The following DPP6 variants were observed in gnomAD, a reference collection of about 807,000 sequenced individuals.
The protein encoded by DPP6 is dipeptidyl peptidase like 6.
In DPP6, 69 loss-of-function variants were observed where a neutral mutation model predicts 122.6. The observed-to-expected ratio is 0.56, with a 90% CI of 0.46 to 0.69. DPP6 has a LOEUF of 0.69. Ranked by LOEUF, DPP6 falls within the 30% of genes least tolerant of loss-of-function variation. The pLI is 0.00. For missense variants in DPP6, 928 were observed against 1,116.9 expected (o/e 0.83, Z 2.41); for synonymous variants, 418 against 433.1 (o/e 0.97, Z 0.43).
At position 154,879,451 on chromosome 7, in the gene DPP6, G is replaced by A. The variant is rs1404222481; in HGVS notation, c.2079-1437G>A. 1.5e-5 allele frequency among the ~76,000 whole-genome samples: 2 copies of A among 135,298 alleles called. 1 individual carries two copies. Among genetic ancestry groups the A allele is most frequent in the East Asian group, 6.5e-4 (2 of 3,056 alleles). 88.8% of individuals were successfully genotyped at this position (135,298 alleles called of 152,430 possible). A position where few individuals can be genotyped will look rare whatever the true frequency, so the allele number is the denominator to read the frequency against. On this transcript the variant is annotated intron_variant, in intron 20 of 25. Coordinates refer to ENST00000377770, the MANE Select transcript of DPP6 (RefSeq NM_130797.4). ...AAAAAATACAAAAAATTAGCCGGGC[G>A]AGGTGGCGGGCACCTGTAGTCCCAG...
chr7:154,683,316 A>G (rs984336450), intron 7 of DPP6, among the ~76,000 whole-genome samples: 1 of 152,190 alleles, frequency 6.6e-6, no homozygotes, highest in Non-Finnish European at 1.5e-5. Context: ...CAGTTCATTC[A>G]TAAATCTAAA....
At chr7:154,127,646 CACACAG>C (rs369176740) in intron 1 of DPP6, among the ~76,000 whole-genome samples, 2,009 of 65,124 alleles carry the variant, frequency 0.031, 14 homozygotes, top group Non-Finnish European at 0.051. Context: ...CACACACACA[CACACAG>C]ACACACACAC....
chr7:153,797,976 T>C, the DPP6 span, among the ~76,000 whole-genome samples: 3 of 152,162 alleles, frequency 2.0e-5, no homozygotes, highest in Admixed American at 6.5e-5. Context: ...CAAGTAGCTG[T>C]AACTACAGGT....
At chr7:153,767,467 A>T in the DPP6 span, among the ~76,000 whole-genome samples, 2 of 152,092 alleles carry the variant, frequency 1.3e-5, no homozygotes, top group South Asian at 4.2e-4. Context: ...TCCCAGGTTC[A>T]AGTGATTCTC....
intron 3 of DPP6, among the ~76,000 whole-genome samples, chr7:154,519,063 C>T (rs776872749): frequency 1.3e-5 from 2 of 152,144 alleles, no homozygotes; most frequent in Non-Finnish European, 2.9e-5. Flanking sequence ...TCCACCCACT[C>T]GGAGCTTAGA....
At chr7:154,018,387 G>T (rs1277873682) in intron 1 of DPP6, among the ~76,000 whole-genome samples, 2 of 152,100 alleles carry the variant, frequency 1.3e-5, no homozygotes, top group African/African-American at 4.8e-5. Context: ...GTGGACACCG[G>T]AGACCATTTT....
At chr7:154,557,299 T>C (rs36051723) in intron 4 of DPP6, among the ~76,000 whole-genome samples, 3 of 152,162 alleles carry the variant, frequency 2.0e-5, no homozygotes, top group South Asian at 2.1e-4. Flanking sequence ...AGAAAACAAA[T>C]TCTCACTGTC....
chr7:154,445,637 A>C (rs1819798302), intron 1 of DPP6, among the ~76,000 whole-genome samples: 1 of 152,192 alleles, frequency 6.6e-6, no homozygotes, highest in Non-Finnish European at 1.5e-5. Context: ...AAAATCTTGA[A>C]ACCTTGAATG....
chr7:154,055,895 C>T (rs1208786537), intron 1 of DPP6: 1 of 152,222 alleles, frequency 6.6e-6, no homozygotes, highest in African/African-American at 2.4e-5. Context: ...CCTTTATAAT[C>T]CTTAGGACTT....
At chr7:154,257,704 T>TAAAC (rs1292162631) in intron 1 of DPP6, among the ~76,000 whole-genome samples, 1 of 134,110 alleles carries the variant, frequency 7.5e-6, no homozygotes, top group Non-Finnish European at 1.6e-5. Flanking sequence ...ATTTCAAAAA[T>TAAAC]AAACAAATAA....
At chr7:154,017,727 T>TAAAAATAA (rs1798494704) in intron 1 of DPP6, among the ~76,000 whole-genome samples, 1 of 109,458 alleles carries the variant, frequency 9.1e-6, no homozygotes, top group African/African-American at 3.7e-5. Flanking sequence ...AATAAAAAAA[T>TAAAAATAA]AAAAAAAAAA....
chr7:154,518,162 G>A (rs188504352), intron 3 of DPP6, among the ~76,000 whole-genome samples: 19 of 152,312 alleles, frequency 1.2e-4, no homozygotes, highest in East Asian at 9.6e-4. Context: ...AGAACAACCC[G>A]TAAAGATTAG....
At chr7:154,063,660 G>T (rs6969975) in intron 1 of DPP6, among the ~76,000 whole-genome samples, 30,534 of 87,202 alleles carry the variant, frequency 0.35, 5,439 homozygotes, top group African/African-American at 0.52. Context: ...CCCCTCTGGC[G>T]CTTAGGACCC....
chr7:154,823,455 T>A (rs1422928280), intron 16 of DPP6, among the ~76,000 whole-genome samples: 5 of 152,212 alleles, frequency 3.3e-5, no homozygotes, highest in African/African-American at 4.8e-5. Context: ...ATTTTCAAAG[T>A]GAATACATAG....
chr7:154,511,758 CT>C (rs1432295042), intron 3 of DPP6, among the ~76,000 whole-genome samples: 1 of 151,718 alleles, frequency 6.6e-6, no homozygotes, highest in Non-Finnish European at 1.5e-5. Context: ...ATTTTCCTAA[CT>C]TATTTCTAGA....
chr7:154,422,147 A>G (rs751328817), intron 1 of DPP6, among the ~76,000 whole-genome samples: 4 of 152,210 alleles, frequency 2.6e-5, no homozygotes, highest in African/African-American at 9.6e-5. Context: ...GTGGGAATAA[A>G]TACCTGAATT....
In DPP6 at chr7:154,027,851, G is replaced by T. The variant is rs533595100; in HGVS notation, c.51+140117G>T. On this transcript the variant is annotated intron_variant, in intron 1 of 25. Transcript: ENST00000404039. ...CTTCCTTCAGCTCCTCCTCTTAGGAGCTCAGGAAATCTGTCTGCACCTATC... is the reference window on the plus strand; with the variant it reads ...CTTCCTTCAGCTCCTCCTCTTAGGATCTCAGGAAATCTGTCTGCACCTATC... Among the ~76,000 whole-genome samples, 21 of 151,802 alleles carry T rather than the reference G, an allele frequency of 1.4e-4. No homozygotes were observed. The East Asian group carries it at 3.9e-3, about 28-fold the overall frequency.
intron 7 of DPP6, among the ~76,000 whole-genome samples, chr7:154,713,948 A>C (rs1469693241): frequency 6.6e-6 from 1 of 152,174 alleles, no homozygotes; most frequent in African/African-American, 2.4e-5. Context: ...CTTCTTCCTG[A>C]ACACTTTGTT....
At chr7:153,908,315 G>A (rs971185165) in intron 1 of DPP6, among the ~76,000 whole-genome samples, 1 of 152,106 alleles carries the variant, frequency 6.6e-6, no homozygotes, top group African/African-American at 2.4e-5. Context: ...TGAAACAACA[G>A]ACTTGGTCAA....
Sources: allele counts gnomAD v4.1 joint callset (sites outside exome capture counted in the v4.1 genomes callset), GRCh38; gene constraint gnomAD v4.1.1; transcripts MANE v1.5; gene names NCBI Gene and HGNC (gene_info 2026-07-23, HGNC 2026-07-21).